DYNC2H1: variants seen among roughly 807,000 people sequenced by gnomAD.
The protein encoded by DYNC2H1 is dynein cytoplasmic 2 heavy chain 1.
A neutral mutation model predicts 570.0 loss-of-function variants in DYNC2H1; 410 were observed. The ratio of observed to expected loss-of-function variants is 0.72; its 90% CI spans 0.66 to 0.78. The LOEUF (loss-of-function observed/expected upper bound fraction) is 0.78, where lower values mean the gene tolerates loss of function less well. DYNC2H1 is among the 30% of genes least tolerant of loss of function. DYNC2H1 has a pLI of 0.00. For synonymous variants in DYNC2H1, 1,688 were observed against 1,677.6 expected (o/e 1.01, Z -0.15); for missense variants, 4,865 against 5,046.4 (o/e 0.96, Z 1.09).
intron 17 of DYNC2H1, among the ~76,000 whole-genome samples, chr11:103,138,069 A>G (rs1419225483): frequency 6.6e-6 from 1 of 150,992 alleles, no homozygotes; most frequent in Non-Finnish European, 1.5e-5. Context: ...ATTTTTGTAC[A>G]TTGATTTTGT....
intron 83 of DYNC2H1, among the ~76,000 whole-genome samples, chr11:103,367,028 T>G (rs1940939282): frequency 1.3e-5 from 2 of 152,132 alleles, no homozygotes; most frequent in African/African-American, 4.8e-5. Context: ...ATGGGTCATT[T>G]TAGAATCCTA....
chr11:103,422,018 ATG>A (rs1411405185), intron 84 of DYNC2H1, among the ~76,000 whole-genome samples: 1 of 152,166 alleles, frequency 6.6e-6, no homozygotes, highest in Non-Finnish European at 1.5e-5. Flanking sequence ...ATCACAACTC[ATG>A]CCACAGAAAA....
At chr11:103,174,945 G>C (rs1325704800) in intron 36 of DYNC2H1, among the ~76,000 whole-genome samples, 1 of 138,648 alleles carries the variant, frequency 7.2e-6, no homozygotes, top group Non-Finnish European at 1.6e-5. Flanking sequence ...GGGGGGTGGG[G>C]TGGGGTGGGG....
intron 48 of DYNC2H1, among the ~76,000 whole-genome samples, chr11:103,198,639 T>A (rs1350980375): frequency 1.3e-5 from 2 of 152,170 alleles, no homozygotes; most frequent in African/African-American, 4.8e-5. Context: ...CAGGAAACAT[T>A]TTTTCATGGT....
chr11:103,291,516 T>C (rs914984325), intron 75 of DYNC2H1, among the ~76,000 whole-genome samples: 3 of 152,238 alleles, frequency 2.0e-5, no homozygotes, highest in African/African-American at 7.2e-5. Context: ...GTTATAAGTA[T>C]ACAACTTGAT....
At chr11:103,365,375 A>T (rs1210640792) in intron 83 of DYNC2H1, among the ~76,000 whole-genome samples, 3 of 151,672 alleles carry the variant, frequency 2.0e-5, no homozygotes, top group Non-Finnish European at 2.9e-5. Context: ...AAAAAAAAAA[A>T]AGTGTATTGG....
intron 50 of DYNC2H1, among the ~76,000 whole-genome samples, 195 bp downstream of exon 50, chr11:103,200,349 T>C (rs1198985446): frequency 1.3e-5 from 2 of 152,184 alleles, no homozygotes; most frequent in South Asian, 4.1e-4. Context: ...ATTTAAGACA[T>C]ATAAAAATTG....
chr11:103,223,445 T>C (rs1863673050), intron 59 of DYNC2H1, among the ~76,000 whole-genome samples: 1 of 152,226 alleles, frequency 6.6e-6, no homozygotes, highest in Non-Finnish European at 1.5e-5. Flanking sequence ...TGGATTGCAG[T>C]GGTGTGATCT....
At position 103,203,349 on chromosome 11, in the gene DYNC2H1, A is replaced by G. The variant is rs1294319443; in HGVS notation, c.8198-314A>G. ...GATGACTGTAAGTATACATTCCAAG[A>G]AGAGAGAATATTTTGTTGTGTTTAT... On this transcript the variant is annotated intron_variant, in intron 50 of 88. Coordinates refer to ENST00000375735, the MANE Select transcript of DYNC2H1 (RefSeq NM_001377.3). The surrounding 1 kb of genome is among the most constrained non-coding windows in gnomAD (Gnocchi z 4.7). 6.6e-6 allele frequency among the ~76,000 whole-genome samples: 1 copy of G among 152,104 alleles called. No individual in the cohort carries two copies.
intron 74 of DYNC2H1, 90 bp downstream of exon 74, chr11:103,286,476 G>A: frequency 1.4e-6 from 2 of 1,461,392 alleles, no homozygotes; most frequent in Non-Finnish European, 1.9e-6. Flanking sequence ...TGCTTTTAGA[G>A]TGTTACTTTA....
chr11:103,367,556 G>A (rs1000908531), intron 83 of DYNC2H1, among the ~76,000 whole-genome samples: 19 of 151,990 alleles, frequency 1.3e-4, no homozygotes, highest in African/African-American at 2.2e-4. Context: ...GGTATTTAGC[G>A]TATCCATCAA....
At chr11:103,116,002 TTGAG>T (rs1422041902) in intron 4 of DYNC2H1, among the ~76,000 whole-genome samples, 1 of 152,184 alleles carries the variant, frequency 6.6e-6, no homozygotes, top group Non-Finnish European at 1.5e-5. Context: ...TACATTGAAA[TTGAG>T]TGACCATTTT....
Position 103,234,967 on chromosome 11 carries a change from C to T in DYNC2H1, c.9568-705C>T, listed in dbSNP as rs189740879. 1.1e-4 allele frequency among the ~76,000 whole-genome samples: 16 copies of T among 151,214 alleles called. No homozygotes were observed. The East Asian group carries it at 2.9e-3, about 27-fold the overall frequency. On this transcript the variant is annotated intron_variant, in intron 61 of 88. Coordinates refer to ENST00000375735, the MANE Select transcript of DYNC2H1 (RefSeq NM_001377.3). ...CCTGTTTACTTGTCATATCAATTTG[C>T]AAATATTCTTTATATTTGTCTTCTA...
intron 73 of DYNC2H1, among the ~76,000 whole-genome samples, chr11:103,285,432 T>TC (rs1216346572): frequency 2.0e-5 from 3 of 149,036 alleles, no homozygotes; most frequent in Non-Finnish European, 3.0e-5. Flanking sequence ...TTCTTTTTTT[T>TC]TTTTTTTTGA....
rs1195533135 is a variant in DYNC2H1, at chr11:103,316,533, G to A, written c.11650-12G>A. On this transcript the variant is annotated splice_polypyrimidine_tract_variant and intron_variant, in intron 79 of 88. Coordinates refer to ENST00000375735, the MANE Select transcript of DYNC2H1 (RefSeq NM_001377.3). Reference sequence around the variant, plus strand: ...GCTTAGTTGTTTACTTAAAAAAATTGTTTTTTGACAGGGTTGGACAAAGTT... The same window carrying A: ...GCTTAGTTGTTTACTTAAAAAAATTATTTTTTGACAGGGTTGGACAAAGTT... The A allele has an allele frequency of 6.5e-7, 1 of 1,534,060 alleles. No homozygotes were observed. The highest frequency in any genetic ancestry group is 8.8e-7 in the Non-Finnish European group (1 of 1,140,966).
At chr11:103,152,711 T>G (rs1484540289) in intron 21 of DYNC2H1, among the ~76,000 whole-genome samples, 2 of 152,198 alleles carry the variant, frequency 1.3e-5, no homozygotes, top group African/African-American at 4.8e-5. Context: ...CATAACTTTG[T>G]CTGGGTCCTA....
At position 103,199,488 on chromosome 11, in the gene DYNC2H1, A is replaced by T; in HGVS notation, c.8088+12A>T. 6.5e-7 allele frequency: 1 copy of T among 1,538,132 alleles called. No individual in the cohort carries two copies. The highest frequency in any genetic ancestry group is 8.8e-7 in the Non-Finnish European group (1 of 1,141,604). On this transcript the variant is annotated intron_variant, in intron 49 of 88. Coordinates refer to ENST00000375735, the MANE Select transcript of DYNC2H1 (RefSeq NM_001377.3). This position sits in a 1 kb window ranked among gnomAD's most constrained non-coding sequence, Gnocchi z 4.6. The stretch of plus-strand genomic sequence containing the variant: ...ATGATCTCAAACATGTGAGTTGCCC[A>T]CTCTCTTTTGCTTTATTTGGTTTTA...
At chr11:103,427,824 C>A (rs1943726804) in intron 84 of DYNC2H1, among the ~76,000 whole-genome samples, 1 of 152,084 alleles carries the variant, frequency 6.6e-6, no homozygotes, top group African/African-American at 2.4e-5. Flanking sequence ...ACATATGCAT[C>A]TTGTGGGGAC....
chr11:103,455,215 T>C lies in DYNC2H1; in HGVS notation c.12486T>C (p.Ala4162=). The change falls in exon 86 of 89, where the codon GCT becomes GCC. Residue 4162 remains alanine, a synonymous_variant. Coordinates refer to ENST00000375735, the MANE Select transcript of DYNC2H1 (RefSeq NM_001377.3). ...QNWVDKAEKQ[A]LLSETLDLSE... The stretch of plus-strand genomic sequence containing the variant: ...GGGTAGATAAAGCTGAAAAACAGGC[T>C]CTTCTCTCTGAAACACTTGACCTAT... The C allele has an allele frequency of 6.2e-7, 1 of 1,613,316 alleles. No homozygotes were observed. Among genetic ancestry groups the C allele is most frequent in the Non-Finnish European group, 8.5e-7 (1 of 1,179,488 alleles).
Sources: gnomAD v4.1 joint callset for allele counts (sites outside exome capture counted in the v4.1 genomes callset) on GRCh38, gnomAD v4.1.1 for gene constraint, Gnocchi (gnomAD v3.1) non-coding constraint, MANE v1.5 for transcripts, NCBI Gene and HGNC (gene_info 2026-07-23, HGNC 2026-07-21) for gene names.